The following MAGI3 variants were observed in gnomAD, a reference collection of about 807,000 sequenced individuals.
The protein encoded by MAGI3 is membrane associated guanylate kinase, WW and PDZ domain containing 3.
In MAGI3, 43 loss-of-function variants were observed where a neutral mutation model predicts 121.8. The observed-to-expected ratio is 0.35, with a 90% CI of 0.28 to 0.46. MAGI3 has a LOEUF of 0.46. Among genes scored for constraint, MAGI3 ranks in the 20% least tolerant of loss-of-function variants. MAGI3 has a pLI of 1.00. For synonymous variants in MAGI3, 553 were observed against 639.3 expected, an observed-to-expected ratio of 0.86 and a Z score of 2.04; for missense variants, 1,547 against 1,797.3, an observed-to-expected ratio of 0.86 and a Z score of 2.52.
chr1:113,611,015 A>G (rs184612992), intron 6 of MAGI3, among the ~76,000 whole-genome samples: 31 of 151,672 alleles, frequency 2.0e-4, no homozygotes, highest in Non-Finnish European at 4.6e-4. Context: ...TTAATATATC[A>G]TCTGTCTCCT....
chr1:113,562,907 A>G (rs1660297064), intron 2 of MAGI3, among the ~76,000 whole-genome samples: 1 of 152,236 alleles, frequency 6.6e-6, no homozygotes, highest in Non-Finnish European at 1.5e-5. Context: ...TTAAGAAAGA[A>G]ATAATACCAA....
At chr1:113,588,469 G>A (rs765917438) in intron 4 of MAGI3, among the ~76,000 whole-genome samples, 5 of 152,144 alleles carry the variant, frequency 3.3e-5, no homozygotes, top group Admixed American at 6.5e-5. Context: ...CATCTTGTAG[G>A]TCATTGGAAG....
At chr1:113,507,042 G>A (rs1435655645) in intron 1 of MAGI3, among the ~76,000 whole-genome samples, 3 of 152,122 alleles carry the variant, frequency 2.0e-5, no homozygotes, top group Non-Finnish European at 4.4e-5. Flanking sequence ...ATGGGTGAGA[G>A]TTCTGCTCTG....
At chr1:113,674,623 C>G (rs529469897) in intron 19 of MAGI3, among the ~76,000 whole-genome samples, 1 of 151,916 alleles carries the variant, frequency 6.6e-6, no homozygotes, top group East Asian at 1.9e-4. Context: ...GGCAAATGAT[C>G]CTGGTAATTA....
At chr1:113,423,309 T>C (rs1652830222) in intron 1 of MAGI3, among the ~76,000 whole-genome samples, 1 of 151,790 alleles carries the variant, frequency 6.6e-6, no homozygotes, top group South Asian at 2.1e-4. Flanking sequence ...TCTCGCACTT[T>C]TGCCCAGGCT....
intron 1 of MAGI3, chr1:113,450,611 C>T (rs1056211067): frequency 1.8e-6 from 2 of 1,084,720 alleles, no homozygotes; most frequent in African/African-American, 3.1e-5. Context: ...TAGTGGACAA[C>T]AGCAATCAAA....
intron 1 of MAGI3, among the ~76,000 whole-genome samples, chr1:113,523,160 G>C (rs190747745): frequency 1.5e-3 from 227 of 152,210 alleles, no homozygotes; most frequent in African/African-American, 5.1e-3. Context: ...ACCTTCCGCC[G>C]TGACTGTGAG....
intron 1 of MAGI3, among the ~76,000 whole-genome samples, chr1:113,509,652 G>T (rs1285914851): frequency 4.4e-5 from 5 of 114,914 alleles, no homozygotes; most frequent in East Asian, 2.3e-4. Context: ...CTTCTCTCCA[G>T]ATTTAAAAAA....
chr1:113,541,301 C>A (rs575659829), intron 1 of MAGI3, among the ~76,000 whole-genome samples: 1 of 152,112 alleles, frequency 6.6e-6, no homozygotes, highest in Admixed American at 6.5e-5. Context: ...TGCCATAATT[C>A]GTAATATAGA....
chr1:113,598,086 C>T (rs1257687862), intron 6 of MAGI3, among the ~76,000 whole-genome samples: 1 of 152,016 alleles, frequency 6.6e-6, no homozygotes, highest in Non-Finnish European at 1.5e-5. Context: ...GTGGTGGGCA[C>T]CTGTAATCCC....
rs1652446563 is a variant in MAGI3 at position 113,641,016 on chromosome 1, ATATATAAT to A, written c.1361-894_1361-887del. 6.8e-5 allele frequency among the ~76,000 whole-genome samples: 2 copies of A among 29,550 alleles called. 1 individual carries two copies. The highest frequency in any genetic ancestry group is 1.5e-4 in the Non-Finnish European group (2 of 13,074). The allele number at this position is 29,550 out of a possible 152,430, so 19.4% of individuals were successfully genotyped here. ...ATATATGATATATATAATATATATG[ATATATAAT>A]ATATATGATATATATAATATATATG... On this transcript the variant is annotated intron_variant, in intron 9 of 20. Coordinates refer to ENST00000307546, the MANE Select transcript of MAGI3 (RefSeq NM_001142782.2).
chr1:113,616,722 C>T (rs1650493287), intron 7 of MAGI3, among the ~76,000 whole-genome samples: 1 of 152,010 alleles, frequency 6.6e-6, no homozygotes. Context: ...TATTGCATTA[C>T]ATGTCTTTTT....
At chr1:113,577,916 TTA>T (rs2101715062) in intron 2 of MAGI3, among the ~76,000 whole-genome samples, 1 of 152,352 alleles carries the variant, frequency 6.6e-6, no homozygotes, top group East Asian at 1.9e-4. Flanking sequence ...TTTTTAGTCA[TTA>T]TGTTTTATAG....
chr1:113,644,624 A>G (rs1176472740), intron 11 of MAGI3, among the ~76,000 whole-genome samples: 1 of 152,156 alleles, frequency 6.6e-6, no homozygotes, highest in African/African-American at 2.4e-5. Context: ...TTCTATGCTA[A>G]ATTTGCTTGT....
At chr1:113,561,158 T>C (rs1042185134) in intron 2 of MAGI3, among the ~76,000 whole-genome samples, 4 of 152,172 alleles carry the variant, frequency 2.6e-5, no homozygotes, top group Non-Finnish European at 4.4e-5. Flanking sequence ...CAGGACCAGA[T>C]GGATTTATAG....
intron 1 of MAGI3, among the ~76,000 whole-genome samples, chr1:113,531,143 CTTTTT>C (rs908320315): frequency 6.6e-6 from 1 of 150,866 alleles, no homozygotes. Flanking sequence ...TCTCCACTTT[CTTTTT>C]TTTTAAGTTA....
At chr1:113,506,847 G>A (rs1657359472) in intron 1 of MAGI3, among the ~76,000 whole-genome samples, 1 of 152,214 alleles carries the variant, frequency 6.6e-6, no homozygotes, top group African/African-American at 2.4e-5. Flanking sequence ...AAGCAAGCAG[G>A]TGGGGAGTCG....
At chr1:113,650,116 C>T (rs769007640) in intron 13 of MAGI3, among the ~76,000 whole-genome samples, 5 of 152,046 alleles carry the variant, frequency 3.3e-5, no homozygotes, top group Non-Finnish European at 5.9e-5. Context: ...TTAAAAATTA[C>T]AGGCTTCTTA....
chr1:113,628,181 A>G (rs1557860577), intron 9 of MAGI3, among the ~76,000 whole-genome samples: 1 of 151,814 alleles, frequency 6.6e-6, no homozygotes. Flanking sequence ...TTGTGTATCC[A>G]TTGTATTTTT....
Sources: gnomAD v4.1 joint callset for allele counts (sites outside exome capture counted in the v4.1 genomes callset) on GRCh38, gnomAD v4.1.1 for gene constraint, MANE v1.5 for transcripts, NCBI Gene and HGNC (gene_info 2026-07-23, HGNC 2026-07-21) for gene names.